The following PCSK5 variants were observed in gnomAD, a reference collection of about 807,000 sequenced individuals.
The protein encoded by PCSK5 is prohormone convertase 5.
PCSK5 carries 129 observed loss-of-function variants against 233.2 expected under a neutral mutation model. That is an observed-to-expected ratio of 0.55 (90% CI 0.48 to 0.64). The LOEUF (loss-of-function observed/expected upper bound fraction) is 0.64. PCSK5 is among the 30% of genes least tolerant of loss of function. PCSK5 has a pLI of 0.00. For synonymous variants in PCSK5, 825 were observed against 879.2 expected (o/e 0.94, Z 1.09); for missense variants, 2,076 against 2,430.1 (o/e 0.85, Z 3.06).
Position 75,986,202 on chromosome 9 carries a change from C to T in PCSK5, c.368C>T (p.Ser123Phe). 1 of 1,613,658 alleles carries T rather than the reference C, an allele frequency of 6.2e-7. No homozygotes were observed. Among genetic ancestry groups the T allele is most frequent in the South Asian group, 1.1e-5 (1 of 91,058 alleles). The change falls in exon 3 of 38, where the codon TCT (serine) becomes TTT (phenylalanine). Residue 123 changes from serine (S) to phenylalanine (F), a missense_variant. This residue lies in a region of PCSK5 where 190 missense variants were observed against 216.3 expected (regional missense o/e 0.88). Transcript: ENST00000674117. ...GATTATGACTTCAGTCGTGCCCAGT[C>T]TACCTATTTCAATGATCCCAAGTGG... Reference protein sequence around the residue: ...KRDYDFSRAQSTYFNDPKWPS... With the variant: ...KRDYDFSRAQFTYFNDPKWPS...
intron 14 of PCSK5, among the ~76,000 whole-genome samples, chr9:76,176,205 G>C (rs1823608719): frequency 6.6e-6 from 1 of 152,092 alleles, no homozygotes; most frequent in South Asian, 2.1e-4. Flanking sequence ...AGTGTCAATT[G>C]AAGCTCTGTC....
At chr9:76,164,953 A>AT (rs397947113) in intron 12 of PCSK5, among the ~76,000 whole-genome samples, 1 of 151,940 alleles carries the variant, frequency 6.6e-6, no homozygotes, top group Non-Finnish European at 1.5e-5. Context: ...AAAAAAAAAA[A>AT]CTTATCATTT....
In PCSK5 at chr9:75,985,505, T is replaced by TA. The variant is rs879512662; in HGVS notation, c.298-616dup. Among the ~76,000 whole-genome samples, 980 of 146,364 alleles carry TA rather than the reference T, an allele frequency of 6.7e-3. 10 individuals carry two copies. The highest frequency in any genetic ancestry group is 0.011 in the Middle Eastern group (3 of 284). ...ACCGCACGGTGTTGTAGAAAGCCAT[T>TA]AAAAAAAAAAATGATCCTGGAGCGT... On this transcript the variant is annotated intron_variant, in intron 2 of 37. Coordinates refer to ENST00000674117, the MANE Select transcript of PCSK5 (RefSeq NM_001372043.1).
intron 9 of PCSK5, among the ~76,000 whole-genome samples, chr9:76,110,714 G>A (rs1215643565): frequency 6.6e-6 from 1 of 152,088 alleles, no homozygotes; most frequent in Non-Finnish European, 1.5e-5. Flanking sequence ...AGGTTGTGGG[G>A]GAGAAAGAAA....
chr9:75,919,072 A>G (rs1253754699), intron 1 of PCSK5, among the ~76,000 whole-genome samples: 2 of 152,152 alleles, frequency 1.3e-5, no homozygotes, highest in Non-Finnish European at 2.9e-5. Context: ...AGAAACAGAA[A>G]AATTCCTTTG....
At chr9:76,222,200 G>C (rs1012716251) in intron 20 of PCSK5, among the ~76,000 whole-genome samples, 3 of 152,050 alleles carry the variant, frequency 2.0e-5, no homozygotes, top group African/African-American at 4.8e-5. Context: ...CAACAGACTG[G>C]CTTCCCAAGA....
rs1564191885 is a variant in PCSK5, at chr9:76,343,333, T to TGTGTGTGTG, written c.4966+4886_4966+4887insGTGTGTGTG. ...GCACACACCACCGCACCTGGGTAATTTGTGTGTGTGTGTGTGTGTGTGTGT... is the reference window on the plus strand; with the variant it reads ...GCACACACCACCGCACCTGGGTAATTGTGTGTGTGTGTGTGTGTGTGTGTGTGTGTGTGT... On this transcript the variant is annotated intron_variant, in intron 35 of 37. Coordinates refer to ENST00000674117, the MANE Select transcript of PCSK5 (RefSeq NM_001372043.1). Among the ~76,000 whole-genome samples, 80 of 133,900 alleles carry TGTGTGTGTG rather than the reference T, an allele frequency of 6.0e-4. 1 individual carries two copies. Among genetic ancestry groups the TGTGTGTGTG allele is most frequent in the African/African-American group, 1.3e-3 (45 of 34,186 alleles). The allele number at this position is 133,900 out of a possible 152,430, so 87.8% of individuals were successfully genotyped here.
At position 76,071,850 on chromosome 9, in the gene PCSK5, C is replaced by T. The variant is rs200003934; in HGVS notation, c.846C>T (p.Asp282=). ...WGPDDDGKTV[D]GPAPLTRQAF... ...CGGATGATGATGGCAAGACTGTGGA[C>T]GGACCAGCCCCCCTCACCCGGCAAG... is the stretch of plus-strand genomic sequence containing the variant. Residue 282 remains aspartate, a synonymous_variant, in exon 7 of 38, where the codon GAC becomes GAT. Coordinates refer to ENST00000674117, the MANE Select transcript of PCSK5 (RefSeq NM_001372043.1). 193 of 1,614,188 alleles carry T rather than the reference C, an allele frequency of 1.2e-4. 1 individual carries two copies. Among genetic ancestry groups the T allele is most frequent in the South Asian group, 4.7e-4 (43 of 91,080 alleles).
At chr9:76,050,773 C>T (rs1829595985) in intron 5 of PCSK5, among the ~76,000 whole-genome samples, 2 of 152,114 alleles carry the variant, frequency 1.3e-5, no homozygotes, top group Non-Finnish European at 2.9e-5. Flanking sequence ...ACTCATTAGG[C>T]CACAGGAGGT....
intron 4 of PCSK5, 112 bp downstream of exon 4, chr9:76,023,993 G>A: frequency 1.2e-6 from 1 of 858,338 alleles, no homozygotes; most frequent in Admixed American, 2.9e-5. Context: ...GTACAATAGG[G>A]TATTGTGTTT....
chr9:75,890,196 G>C (rs1282337372), upstream of PCSK5, among the ~76,000 whole-genome samples: 1 of 152,192 alleles, frequency 6.6e-6, no homozygotes, highest in Admixed American at 6.5e-5. Flanking sequence ...CCCGGGAGCA[G>C]AAAGTGTAAA....
At chr9:75,982,869 T>C (rs1324785271) in intron 2 of PCSK5, among the ~76,000 whole-genome samples, 4 of 152,046 alleles carry the variant, frequency 2.6e-5, no homozygotes, top group Non-Finnish European at 1.5e-5. Context: ...CACTCTGAGA[T>C]TAGTGTTAAA....
chr9:76,326,509 C>T (rs911511555), intron 32 of PCSK5, among the ~76,000 whole-genome samples: 10 of 152,150 alleles, frequency 6.6e-5, no homozygotes, highest in African/African-American at 1.7e-4. Flanking sequence ...AGTCCCATAC[C>T]TTTCCTGAAG....
chr9:75,932,333 A>C (rs1823845759), intron 1 of PCSK5, 46 bp from the exon 2 acceptor site: 3 of 1,180,044 alleles, frequency 2.5e-6, no homozygotes, highest in Non-Finnish European at 3.8e-6. Context: ...GTTTTCACAC[A>C]TTAATGTCTT....
intron 24 of PCSK5, among the ~76,000 whole-genome samples, chr9:76,255,704 A>G (rs1826962188): frequency 6.6e-6 from 1 of 152,162 alleles, no homozygotes; most frequent in Non-Finnish European, 1.5e-5. Flanking sequence ...GTGCGGTTAC[A>G]CGCACCCATA....
intron 30 of PCSK5, among the ~76,000 whole-genome samples, chr9:76,320,334 G>A (rs1180153499): frequency 6.6e-6 from 1 of 151,126 alleles, no homozygotes; most frequent in Non-Finnish European, 1.5e-5. Flanking sequence ...GGAGGCTGAG[G>A]CAGGAGAATC....
chr9:76,155,300 T>G (rs1823844035), intron 10 of PCSK5, among the ~76,000 whole-genome samples: 1 of 152,216 alleles, frequency 6.6e-6, no homozygotes, highest in Admixed American at 6.5e-5. Flanking sequence ...AAATTGTGTA[T>G]TATTTTCTGG....
At chr9:76,141,255 A>T (rs1244310195) in intron 10 of PCSK5, among the ~76,000 whole-genome samples, 1 of 150,726 alleles carries the variant, frequency 6.6e-6, no homozygotes, top group Non-Finnish European at 1.5e-5. Context: ...TTAGCAAAGT[A>T]CACACACACA....
chr9:76,205,336 C>T (rs946758597), intron 20 of PCSK5: 81 of 477,724 alleles, frequency 1.7e-4, no homozygotes, highest in South Asian at 1.2e-3. Context: ...GAGGAGGTGG[C>T]GAGACATTCG....
Sources: allele counts gnomAD v4.1 joint callset (sites outside exome capture counted in the v4.1 genomes callset), GRCh38; gene constraint gnomAD v4.1.1; regional missense constraint gnomAD v4.1.1; transcripts MANE v1.5; gene names NCBI Gene and HGNC (gene_info 2026-07-23, HGNC 2026-07-21).